The following RARB variants were observed in gnomAD, a reference collection of about 807,000 sequenced individuals.
RARB encodes the protein HBV-activated protein.
In RARB, 17 loss-of-function variants were observed where a neutral mutation model predicts 51.9. The ratio of observed to expected loss-of-function variants is 0.33; its 90% confidence interval spans 0.22 to 0.49. RARB has a LOEUF of 0.49. Ranked by LOEUF, RARB falls within the 20% of genes least tolerant of loss-of-function variation. The pLI is 0.99. For missense variants in RARB, 369 were observed against 550.8 expected (o/e 0.67, Z 3.30); for synonymous variants, 215 against 195.4 (o/e 1.10, Z -0.84).
intron 3 of RARB, among the ~76,000 whole-genome samples, chr3:25,100,667 G>C (rs552829451): frequency 2.0e-5 from 3 of 152,202 alleles, no homozygotes; most frequent in African/African-American, 7.2e-5. Context: ...TATTTTTATT[G>C]TCTTATCTAA....
intron 5 of RARB, among the ~76,000 whole-genome samples, chr3:25,285,375 A>T (rs748810204): frequency 6.6e-6 from 1 of 152,120 alleles, no homozygotes; most frequent in Non-Finnish European, 1.5e-5. Flanking sequence ...CTAGGAAGAG[A>T]GGAGAGAGAG....
At chr3:25,477,689 G>A (rs1696022964) in intron 2 of RARB, among the ~76,000 whole-genome samples, 1 of 152,196 alleles carries the variant, frequency 6.6e-6, no homozygotes, top group Admixed American at 6.5e-5. Flanking sequence ...ATAAGCATAT[G>A]AGGTAAATAT....
intron 5 of RARB, among the ~76,000 whole-genome samples, chr3:25,593,003 A>G (rs1701671371): frequency 6.6e-6 from 1 of 152,154 alleles, no homozygotes; most frequent in Non-Finnish European, 1.5e-5. Flanking sequence ...AACCTTTCTG[A>G]GCCTTAAGTC....
chr3:25,150,613 A>G (rs2125341291), intron 4 of RARB, among the ~76,000 whole-genome samples: 1 of 152,312 alleles, frequency 6.6e-6, no homozygotes, highest in East Asian at 1.9e-4. Flanking sequence ...TACTTTTCTT[A>G]TGTATACATA....
intron 1 of RARB, among the ~76,000 whole-genome samples, chr3:24,848,530 A>T (rs185483511): frequency 2.6e-5 from 4 of 152,184 alleles, no homozygotes; most frequent in Admixed American, 2.6e-4. Flanking sequence ...CTTGTTTGGG[A>T]TGAGCATCTG....
intron 2 of RARB, among the ~76,000 whole-genome samples, chr3:24,944,632 A>G (rs1206791371): frequency 6.6e-6 from 1 of 152,302 alleles, no homozygotes; most frequent in Non-Finnish European, 1.5e-5. Flanking sequence ...TTAGACACTT[A>G]GGTGCCAAGT....
chr3:25,295,100 T>C (rs958423641), intron 5 of RARB, among the ~76,000 whole-genome samples: 1 of 152,232 alleles, frequency 6.6e-6, no homozygotes, highest in South Asian at 2.1e-4. Context: ...AACTCTCATA[T>C]GCTAGAGGGG....
chr3:25,222,242 T>A (rs991712912), intron 5 of RARB, among the ~76,000 whole-genome samples: 5 of 152,166 alleles, frequency 3.3e-5, no homozygotes, highest in African/African-American at 4.8e-5. Context: ...CCTATATAAT[T>A]GAGCCCTATC....
chr3:25,345,548 C>T (rs1472582350), intron 5 of RARB, among the ~76,000 whole-genome samples: 1 of 151,598 alleles, frequency 6.6e-6, no homozygotes, highest in Non-Finnish European at 1.5e-5. Context: ...GCCTGTAGTC[C>T]TAGCTACTCG....
intron 5 of RARB, among the ~76,000 whole-genome samples, chr3:25,351,464 G>T (rs961113593): frequency 1.3e-5 from 2 of 151,896 alleles, no homozygotes; most frequent in African/African-American, 4.8e-5. Context: ...ATCTCATTTG[G>T]TTACAGGTCA....
chr3:25,309,265 A>G (rs957844175), intron 5 of RARB, among the ~76,000 whole-genome samples: 1 of 145,624 alleles, frequency 6.9e-6, no homozygotes, highest in Non-Finnish European at 1.5e-5. Flanking sequence ...CTCAGCCTCA[A>G]CTGAGACTAC....
At chr3:25,511,480 C>A (rs1426266850) in intron 3 of RARB, among the ~76,000 whole-genome samples, 2 of 152,082 alleles carry the variant, frequency 1.3e-5, no homozygotes, top group African/African-American at 2.4e-5. Flanking sequence ...AAATGACACC[C>A]CTTTCCCCTT....
chr3:25,144,392 AG>A (rs1417234110), intron 4 of RARB, among the ~76,000 whole-genome samples: 1 of 151,996 alleles, frequency 6.6e-6, no homozygotes, highest in East Asian at 1.9e-4. Context: ...GAGGTTCTGG[AG>A]GGGGTTGGTG....
intron 2 of RARB, among the ~76,000 whole-genome samples, chr3:25,046,149 G>C (rs752074311): frequency 6.6e-6 from 1 of 152,186 alleles, no homozygotes; most frequent in Non-Finnish European, 1.5e-5. Flanking sequence ...GAAAGAAAAT[G>C]AGGTCAAGAA....
chr3:25,463,196 A>G (rs1168635674), intron 2 of RARB, among the ~76,000 whole-genome samples: 1 of 152,044 alleles, frequency 6.6e-6, no homozygotes. Context: ...TAATGGGCAG[A>G]GCTTCAAAGT....
chr3:25,286,757 T>C (rs1703666301), intron 5 of RARB, among the ~76,000 whole-genome samples: 1 of 152,234 alleles, frequency 6.6e-6, no homozygotes, highest in Admixed American at 6.5e-5. Context: ...TCATGTGTAA[T>C]ATTTACAACA....
rs116333081 is a variant in RARB at position 25,103,522 on chromosome 3, A to G, written c.-327-28639A>G. 2.5e-3 allele frequency among the ~76,000 whole-genome samples: 381 copies of G among 152,340 alleles called. 1 individual carries two copies. Among genetic ancestry groups the G allele is most frequent in the African/African-American group, 8.8e-3 (364 of 41,582 alleles). ...TCCTGCCATCTTCAGGATAATTTTA[A>G]AAGCGTACTAATTCAAGAACAGATG... On this transcript the variant is annotated intron_variant, in intron 3 of 11. Coordinates refer to the RARB transcript ENST00000383772.
At chr3:25,205,927 A>C (rs1701532015) in intron 5 of RARB, among the ~76,000 whole-genome samples, 1 of 152,046 alleles carries the variant, frequency 6.6e-6, no homozygotes, top group Non-Finnish European at 1.5e-5. Context: ...TTCTTCTACA[A>C]AAACAACTTT....
At chr3:25,574,681 A>G (rs1377105955) in intron 4 of RARB, among the ~76,000 whole-genome samples, 1 of 152,240 alleles carries the variant, frequency 6.6e-6, no homozygotes, top group Non-Finnish European at 1.5e-5. Context: ...ATGAAGATTT[A>G]AGAAGCCCTT....
Sources: gnomAD v4.1 joint callset for allele counts (sites outside exome capture counted in the v4.1 genomes callset) on GRCh38, gnomAD v4.1.1 for gene constraint, MANE v1.5 for transcripts, NCBI Gene and HGNC (gene_info 2026-07-23, HGNC 2026-07-21) for gene names.